Variants in GRIK2 observed in about 807,000 individuals in gnomAD.
GRIK2 encodes glutamate receptor ionotropic, kainate 2.
GRIK2 carries 32 observed loss-of-function variants against 100.3 expected under a neutral mutation model. The observed-to-expected ratio is 0.32, with a 90% CI of 0.24 to 0.43. GRIK2 has a LOEUF of 0.43. GRIK2 is among the 20% of genes least tolerant of loss of function. The pLI, the probability that GRIK2 is intolerant of heterozygous loss-of-function variation, is 1.00. For synonymous variants in GRIK2, 417 were observed against 389.4 expected (o/e 1.07, Z -0.83); for missense variants, 843 against 1,114.9 (o/e 0.76, Z 3.47).
At chr6:101,559,857 T>G (rs895858300) in intron 2 of GRIK2, among the ~76,000 whole-genome samples, 1 of 152,056 alleles carries the variant, frequency 6.6e-6, no homozygotes, top group Non-Finnish European at 1.5e-5. Flanking sequence ...GGCTCTGCAG[T>G]AGATAGATAA....
At chr6:101,719,119 T>C (rs1205085423) in intron 7 of GRIK2, among the ~76,000 whole-genome samples, 1 of 147,118 alleles carries the variant, frequency 6.8e-6, no homozygotes, top group Non-Finnish European at 1.5e-5. Flanking sequence ...TTTTCTGAAA[T>C]GTGCAACAGG....
intron 10 of GRIK2, among the ~76,000 whole-genome samples, chr6:101,839,526 T>C (rs1783366258): frequency 6.6e-6 from 1 of 152,180 alleles, no homozygotes; most frequent in Non-Finnish European, 1.5e-5. Flanking sequence ...GTTTTTATGA[T>C]ATTAAAGAAA....
In GRIK2 at chr6:101,817,056, T is replaced by G. The variant is rs547169554; in HGVS notation, c.1204-1314T>G. 4.6e-5 allele frequency among the ~76,000 whole-genome samples: 7 copies of G among 152,290 alleles called. No individual in the cohort carries two copies. The South Asian group carries it at 1.4e-3, about 32-fold the overall frequency. On this transcript the variant is annotated intron_variant, in intron 9 of 16. Coordinates refer to ENST00000369134, the MANE Select transcript of GRIK2 (RefSeq NM_021956.5). The stretch of plus-strand genomic sequence containing the variant: ...GCTTGGCTCCTGAAGCCTTTCATTA[T>G]TGACTCTGAAATAGAATTAGGCTCC...
At chr6:101,756,171 C>T (rs1478653405) in intron 7 of GRIK2, among the ~76,000 whole-genome samples, 1 of 152,078 alleles carries the variant, frequency 6.6e-6, no homozygotes, top group African/African-American at 2.4e-5. Context: ...GTAAGTTTCC[C>T]TAAGGGAGTA....
chr6:101,977,305 T>C (rs1201594009), intron 14 of GRIK2, among the ~76,000 whole-genome samples: 3 of 151,318 alleles, frequency 2.0e-5, no homozygotes, highest in Non-Finnish European at 4.4e-5. Flanking sequence ...GTGAACCAGA[T>C]GCCAAGATGG....
At chr6:101,649,034 T>G (rs1562283984) in intron 4 of GRIK2, among the ~76,000 whole-genome samples, 1 of 152,082 alleles carries the variant, frequency 6.6e-6, no homozygotes, top group Non-Finnish European at 1.5e-5. Context: ...TTATCTTCAC[T>G]TGGCCACACC....
chr6:101,730,505 G>T (rs1023691269), intron 7 of GRIK2, among the ~76,000 whole-genome samples: 2 of 151,850 alleles, frequency 1.3e-5, no homozygotes, highest in African/African-American at 4.8e-5. Context: ...AGAAACAAAT[G>T]AACAAAAACA....
At chr6:101,799,259 AT>A (rs1020365365) in intron 7 of GRIK2, among the ~76,000 whole-genome samples, 9 of 149,316 alleles carry the variant, frequency 6.0e-5, no homozygotes, top group African/African-American at 2.3e-4. Flanking sequence ...ACCATTAAAA[AT>A]GTTAGCAATG....
chr6:101,912,925 A>G (rs955268647), intron 12 of GRIK2, among the ~76,000 whole-genome samples: 4 of 151,560 alleles, frequency 2.6e-5, no homozygotes, highest in Non-Finnish European at 5.9e-5. Context: ...TTATCTTTAT[A>G]GGTTAATAAT....
intron 15 of GRIK2, among the ~76,000 whole-genome samples, chr6:102,048,379 G>A (rs2114480966): frequency 6.6e-6 from 1 of 151,974 alleles, no homozygotes; most frequent in South Asian, 2.1e-4. Context: ...CAAACTAAAA[G>A]TTTCTGCAAA....
chr6:101,632,829 A>AAAAC (rs1447466192), intron 4 of GRIK2, among the ~76,000 whole-genome samples: 3 of 152,120 alleles, frequency 2.0e-5, no homozygotes, highest in African/African-American at 7.2e-5. Flanking sequence ...GAGAGGCAAG[A>AAAAC]AAACAGCATC....
chr6:101,552,748 T>C (rs1047588191), intron 2 of GRIK2, among the ~76,000 whole-genome samples: 2 of 152,194 alleles, frequency 1.3e-5, no homozygotes, highest in African/African-American at 4.8e-5. Context: ...GGTGATGTAC[T>C]CAGCATTCTA....
intron 7 of GRIK2, among the ~76,000 whole-genome samples, chr6:101,792,888 T>C (rs1362311024): frequency 6.6e-6 from 1 of 152,164 alleles, no homozygotes; most frequent in Non-Finnish European, 1.5e-5. Flanking sequence ...CCCATATTTC[T>C]TGGAGGCTTT....
At chr6:101,445,989 C>T (rs773354205) in intron 2 of GRIK2, among the ~76,000 whole-genome samples, 6 of 151,968 alleles carry the variant, frequency 3.9e-5, no homozygotes, top group Non-Finnish European at 7.4e-5. Flanking sequence ...GCTTTACCAC[C>T]TCTGTGTCTT....
Position 101,941,513 on chromosome 6 carries a change from TA to T in GRIK2, c.2085+12889del, listed in dbSNP as rs1054220160. On this transcript the variant is annotated intron_variant, in intron 14 of 16. Coordinates refer to ENST00000369134, the MANE Select transcript of GRIK2 (RefSeq NM_021956.5). ...TATGCAATTTTTTTTTTCTTAATAG[TA>T]AAAAAAAGAAACAAGGAAGTTAACC... 1.8e-3 allele frequency among the ~76,000 whole-genome samples: 275 copies of T among 151,526 alleles called. 1 individual carries two copies. Among genetic ancestry groups the T allele is most frequent in the Middle Eastern group, 3.4e-3 (1 of 294 alleles).
At chr6:101,673,697 C>T (rs1436742528) in intron 4 of GRIK2, among the ~76,000 whole-genome samples, 1 of 152,192 alleles carries the variant, frequency 6.6e-6, no homozygotes, top group South Asian at 2.1e-4. Context: ...TCCTCCCACT[C>T]TGAGTTAGAT....
At chr6:101,609,128 C>A (rs9404126) in intron 2 of GRIK2, among the ~76,000 whole-genome samples, 52,242 of 151,504 alleles carry the variant, frequency 0.34, 9,315 homozygotes, top group African/African-American at 0.43. Context: ...TGCATTAGAT[C>A]TCTACTAGAT....
At chr6:101,972,762 A>G (rs897302171) in intron 14 of GRIK2, among the ~76,000 whole-genome samples, 4 of 151,870 alleles carry the variant, frequency 2.6e-5, no homozygotes, top group African/African-American at 9.7e-5. Flanking sequence ...TCTTCTGCAC[A>G]TGGCTAGCCA....
At chr6:101,837,376 G>GAAATAGTTA (rs1783196604) in intron 10 of GRIK2, among the ~76,000 whole-genome samples, 1 of 152,136 alleles carries the variant, frequency 6.6e-6, no homozygotes, top group African/African-American at 2.4e-5. Flanking sequence ...AACCTGTTGA[G>GAAATAGTTA]AGATTAGATC....
Sources: gnomAD v4.1 joint callset for allele counts (sites outside exome capture counted in the v4.1 genomes callset) on GRCh38, gnomAD v4.1.1 for gene constraint, MANE v1.5 for transcripts, NCBI Gene and HGNC (gene_info 2026-07-23, HGNC 2026-07-21) for gene names.